The following CCSER1 variants were observed in gnomAD, a reference collection of about 807,000 sequenced individuals.
CCSER1 encodes serine-rich coiled-coil domain-containing protein 1.
In CCSER1, 41 loss-of-function variants were observed where a neutral mutation model predicts 82.0. The ratio of observed to expected loss-of-function variants is 0.50; its 90% CI spans 0.39 to 0.65. The LOEUF (loss-of-function observed/expected upper bound fraction) is 0.65. CCSER1 is among the 30% of genes least tolerant of loss of function. The probability of loss-of-function intolerance (pLI) is 0.00; values close to 1 mark genes in which losing one functional copy is unlikely to be tolerated. For missense variants in CCSER1, 1,119 were observed against 1,064.2 expected, an observed-to-expected ratio of 1.05 and a Z score of -0.72; for synonymous variants, 414 against 383.9, an observed-to-expected ratio of 1.08 and a Z score of -0.92.
chr4:90,354,613 A>G (rs1744093756), intron 3 of CCSER1, among the ~76,000 whole-genome samples: 1 of 152,078 alleles, frequency 6.6e-6, no homozygotes, highest in South Asian at 2.1e-4. Flanking sequence ...TACAATTACT[A>G]CTTTTCAATT....
At chr4:90,236,783 G>T (rs745456211) in intron 1 of CCSER1, among the ~76,000 whole-genome samples, 1 of 151,824 alleles carries the variant, frequency 6.6e-6, no homozygotes, top group Non-Finnish European at 1.5e-5. Context: ...AAAAATTTGC[G>T]GGAATTTTGG....
intron 4 of CCSER1, among the ~76,000 whole-genome samples, chr4:90,407,391 C>A (rs563574609): frequency 6.6e-6 from 1 of 152,202 alleles, no homozygotes; most frequent in Non-Finnish European, 1.5e-5. Flanking sequence ...AGTTTAGGAC[C>A]AGATGGATTC....
intron 1 of CCSER1, among the ~76,000 whole-genome samples, chr4:90,163,487 G>A (rs141811560): frequency 1.3e-3 from 204 of 152,170 alleles, no homozygotes; most frequent in Middle Eastern, 6.8e-3. Context: ...TTCTGTTAGT[G>A]TAGAGAGAAA....
chr4:90,958,288 A>G (rs1308903846), intron 9 of CCSER1, among the ~76,000 whole-genome samples: 3 of 152,196 alleles, frequency 2.0e-5, no homozygotes, highest in Non-Finnish European at 4.4e-5. Context: ...AAAGTTTATA[A>G]TAAGTAACTA....
chr4:90,142,097 C>T (rs1560679456), intron 1 of CCSER1, among the ~76,000 whole-genome samples: 1 of 152,270 alleles, frequency 6.6e-6, no homozygotes, highest in East Asian at 1.9e-4. Context: ...TCCAAAACTA[C>T]ATTGTGTTTC....
At chr4:90,849,010 C>G (rs1377084628) in intron 8 of CCSER1, among the ~76,000 whole-genome samples, 2 of 152,156 alleles carry the variant, frequency 1.3e-5, no homozygotes, top group Non-Finnish European at 2.9e-5. Flanking sequence ...TTATAAATTA[C>G]CCAGTCTCAG....
chr4:91,225,722 C>T (rs1019485039), intron 10 of CCSER1, among the ~76,000 whole-genome samples: 4 of 151,908 alleles, frequency 2.6e-5, no homozygotes, highest in African/African-American at 9.6e-5. Context: ...TGTATTCATG[C>T]ACAACCTTTA....
chr4:90,397,447 A>G (rs1368123245), intron 3 of CCSER1, among the ~76,000 whole-genome samples: 1 of 152,246 alleles, frequency 6.6e-6, no homozygotes, highest in Non-Finnish European at 1.5e-5. Context: ...AATTCAAAAA[A>G]GGATTGAACA....
At chr4:90,428,986 A>T (rs993145721) in intron 4 of CCSER1, among the ~76,000 whole-genome samples, 12 of 151,790 alleles carry the variant, frequency 7.9e-5, no homozygotes, top group African/African-American at 2.7e-4. Flanking sequence ...TATGACCTTT[A>T]GTTAATAATA....
chr4:90,749,663 C>T (rs1251226939), intron 7 of CCSER1, among the ~76,000 whole-genome samples: 2 of 151,994 alleles, frequency 1.3e-5, no homozygotes, highest in Non-Finnish European at 2.9e-5. Flanking sequence ...ATTCTTCCTA[C>T]CCCACATTTT....
Position 90,127,639 on chromosome 4 carries a change from G to A in CCSER1, c.-234G>A. The A allele has an allele frequency of 6.5e-6, 1 of 152,978 alleles. No homozygotes were observed. The highest frequency in any genetic ancestry group is 1.5e-5 in the Non-Finnish European group (1 of 68,582). 9.5% of individuals were successfully genotyped at this position (152,978 alleles called of 1,614,324 possible). On this transcript the variant is annotated 5_prime_UTR_variant, in exon 1 of 11. Transcript: ENST00000509176. Reference sequence around the variant, plus strand: ...GCTCGGGCAGAGCAGCTCCGCTGGCGCAGGCAGGAGGAGCAGGAGGATTAT... The same window carrying A: ...GCTCGGGCAGAGCAGCTCCGCTGGCACAGGCAGGAGGAGCAGGAGGATTAT...
intron 5 of CCSER1, among the ~76,000 whole-genome samples, chr4:90,506,056 C>T (rs1770633427): frequency 6.6e-6 from 1 of 152,252 alleles, no homozygotes; most frequent in Middle Eastern, 3.4e-3. Flanking sequence ...ATGTTTTATT[C>T]AACTTCTACC....
intron 8 of CCSER1, among the ~76,000 whole-genome samples, chr4:90,835,309 C>T (rs185113701): frequency 1.8e-4 from 27 of 151,960 alleles, no homozygotes; most frequent in African/African-American, 5.3e-4. Flanking sequence ...CTAGCCCGGG[C>T]GACAGAGCCA....
intron 1 of CCSER1, among the ~76,000 whole-genome samples, chr4:90,185,511 G>T (rs1330576118): frequency 1.3e-5 from 2 of 152,036 alleles, no homozygotes; most frequent in Non-Finnish European, 2.9e-5. Flanking sequence ...TCTGCCTTGT[G>T]ATTAGGGAAA....
intron 1 of CCSER1, among the ~76,000 whole-genome samples, chr4:90,155,375 A>C (rs1727885459): frequency 1.3e-5 from 2 of 152,128 alleles, no homozygotes; most frequent in South Asian, 4.1e-4. Flanking sequence ...CTTTGCTATC[A>C]GGATGATGCT....
intron 10 of CCSER1, among the ~76,000 whole-genome samples, chr4:91,302,329 A>C (rs993433772): frequency 6.6e-6 from 1 of 151,900 alleles, no homozygotes; most frequent in Non-Finnish European, 1.5e-5. Context: ...TTTTCTCTTC[A>C]CTGCAACGTT....
chr4:91,130,664 G>A (rs911432531), intron 10 of CCSER1, among the ~76,000 whole-genome samples: 5 of 151,640 alleles, frequency 3.3e-5, no homozygotes, highest in Admixed American at 3.3e-4. Context: ...ATATGTCTCA[G>A]CTCCTTTTAA....
chr4:91,456,415 G>T (rs1560686044), intron 10 of CCSER1, among the ~76,000 whole-genome samples: 1 of 152,004 alleles, frequency 6.6e-6, no homozygotes, highest in Non-Finnish European at 1.5e-5. Context: ...TAGGCAGATG[G>T]AACAGAAAAG....
intron 8 of CCSER1, among the ~76,000 whole-genome samples, chr4:90,851,772 T>A (rs182756979): frequency 2.0e-5 from 3 of 152,248 alleles, no homozygotes; most frequent in Non-Finnish European, 4.4e-5. Flanking sequence ...AATCTTAAAG[T>A]TGAACATGTT....
Sources: allele counts gnomAD v4.1 joint callset (sites outside exome capture counted in the v4.1 genomes callset), GRCh38; gene constraint gnomAD v4.1.1; transcripts MANE v1.5; gene names NCBI Gene and HGNC (gene_info 2026-07-23, HGNC 2026-07-21).